PCMT1: variants seen among roughly 807,000 people sequenced by gnomAD.
PCMT1 encodes protein-L-isoaspartate (D-aspartate) O-methyltransferase.
Under a neutral mutation model 29.2 loss-of-function variants are expected in PCMT1, and 9 were observed. The observed-to-expected ratio is 0.31, with a 90% CI of 0.19 to 0.54. The LOEUF (loss-of-function observed/expected upper bound fraction) is 0.54. Ranked by LOEUF, PCMT1 falls within the 20% of genes least tolerant of loss-of-function variation. The pLI is 0.95. For synonymous variants in PCMT1, 98 were observed against 97.5 expected (o/e 1.00, Z -0.03); for missense variants, 184 against 282.2 (o/e 0.65, Z 2.49).
chr6:149,767,854 C>T lies in PCMT1; in HGVS notation c.56-3308C>T, dbSNP rs565981325. Among the ~76,000 whole-genome samples the T allele has an allele frequency of 3.5e-3, 526 of 152,150 alleles. 1 individual carries two copies. The highest frequency in any genetic ancestry group is 5.4e-3 in the Non-Finnish European group (368 of 68,004). On this transcript the variant is annotated intron_variant, in intron 1 of 7. Coordinates refer to ENST00000464889, the MANE Select transcript of PCMT1 (RefSeq NM_001360452.2). ...TGTCACCCAGGCTGGAGTGCAGTGG[C>T]GCGATCTTGGCTCACTGCAGCCTCC... is the stretch of plus-strand genomic sequence containing the variant.
chr6:149,790,516 C>CT (rs80356200), intron 4 of PCMT1, among the ~76,000 whole-genome samples: 65,569 of 137,050 alleles, frequency 0.48, 16,446 homozygotes, highest in East Asian at 0.79. Flanking sequence ...GTTTTCTTTT[C>CT]TTTTTTTTTT....
chr6:149,775,876 G>A (rs1043273432), intron 3 of PCMT1, among the ~76,000 whole-genome samples: 2 of 151,908 alleles, frequency 1.3e-5, no homozygotes, highest in African/African-American at 4.8e-5. Context: ...ATAGTTCATC[G>A]TGGCCAGGCG....
intron 3 of PCMT1, among the ~76,000 whole-genome samples, chr6:149,781,115 G>A (rs751400055): frequency 6.7e-6 from 1 of 149,876 alleles, no homozygotes; most frequent in Non-Finnish European, 1.5e-5. Context: ...GATGTTGAGC[G>A]TCTTTTCATG....
At chr6:149,791,819 A>C (rs1788383988) in intron 4 of PCMT1, among the ~76,000 whole-genome samples, 1 of 152,212 alleles carries the variant, frequency 6.6e-6, no homozygotes, top group Non-Finnish European at 1.5e-5. Context: ...TTATAGTTTT[A>C]GAGGATGTAT....
intron 4 of PCMT1, among the ~76,000 whole-genome samples, chr6:149,790,990 C>G (rs1788343318): frequency 6.6e-6 from 1 of 152,068 alleles, no homozygotes; most frequent in South Asian, 2.1e-4. Flanking sequence ...TGGGCAACAA[C>G]AACAACAACA....
At chr6:149,786,172 CAACCT>C (rs1788051215) in intron 3 of PCMT1, among the ~76,000 whole-genome samples, 1 of 114,710 alleles carries the variant, frequency 8.7e-6, no homozygotes, top group Admixed American at 8.8e-5. Context: ...GCTGACCCCC[CAACCT>C]CCCTCCCAGA....
At chr6:149,783,172 C>A (rs1268344637) in intron 3 of PCMT1, among the ~76,000 whole-genome samples, 1 of 152,020 alleles carries the variant, frequency 6.6e-6, no homozygotes, top group Admixed American at 6.6e-5. Context: ...CTTGCTGTGT[C>A]ACCCAGGCTG....
rs1265173998 is a variant in PCMT1, at chr6:149,771,194, G to C, written c.88G>C (p.Glu30Gln). ...AATCATCAAGACAGATAAAGTATTT[G>C]AAGTGATGCTGGCTACAGACCGCTC... The part of the protein sequence containing the change: ...NGIIKTDKVF[E>Q]VMLATDRSHY... The change falls in exon 2 of 8, where the codon GAA becomes CAA. Residue 30 changes from glutamate (E) to glutamine (Q), a missense_variant. Glu to Gln is a conservative substitution (Grantham distance 29). Coordinates refer to ENST00000464889, the MANE Select transcript of PCMT1 (RefSeq NM_001360452.2). 1 of 1,612,384 alleles carries C rather than the reference G, an allele frequency of 6.2e-7. No individual in the cohort carries two copies. Among genetic ancestry groups the C allele is most frequent in the South Asian group, 1.1e-5 (1 of 90,982 alleles).
intron 6 of PCMT1, chr6:149,797,749 C>T (rs912073369): frequency 4.6e-5 from 7 of 152,074 alleles, no homozygotes; most frequent in Non-Finnish European, 7.3e-5. Context: ...TAGTCTCATC[C>T]GTTTTTTTGG....
At chr6:149,769,308 C>CTTTTTCTTTTTTTTTTTT (rs1787214853) in intron 1 of PCMT1, among the ~76,000 whole-genome samples, 1 of 71,562 alleles carries the variant, frequency 1.4e-5, no homozygotes, top group African/African-American at 8.6e-5. Flanking sequence ...GTGCAGGATT[C>CTTTTTCTTTTTTTTTTTT]TTTTTTTTTT....
chr6:149,770,819 T>C lies in PCMT1; in HGVS notation c.56-343T>C, dbSNP rs963654228. Reference sequence around the variant, plus strand: ...GAGATCGAGACCATCCTGGCTAACATGGTGAAACCCTGTTTCTAAAATACA... The same window carrying C: ...GAGATCGAGACCATCCTGGCTAACACGGTGAAACCCTGTTTCTAAAATACA... On this transcript the variant is annotated intron_variant, in intron 1 of 7. Coordinates refer to ENST00000464889, the MANE Select transcript of PCMT1 (RefSeq NM_001360452.2). Among the ~76,000 whole-genome samples the C allele has an allele frequency of 6.8e-5, 10 of 146,768 alleles. No homozygotes were observed. In the South Asian group the frequency reaches 1.3e-3, roughly 19 times the overall value.
At chr6:149,781,404 T>C (rs1037655226) in intron 3 of PCMT1, among the ~76,000 whole-genome samples, 14 of 152,026 alleles carry the variant, frequency 9.2e-5, no homozygotes, top group African/African-American at 3.4e-4. Flanking sequence ...TTTTTGTATT[T>C]TTAGTAGAGA....
intron 1 of PCMT1, among the ~76,000 whole-genome samples, chr6:149,752,462 G>T (rs1383101035): frequency 6.6e-6 from 1 of 152,094 alleles, no homozygotes; most frequent in Non-Finnish European, 1.5e-5. Flanking sequence ...GCCTCCCAAA[G>T]TGCTTGAATT....
intron 1 of PCMT1, among the ~76,000 whole-genome samples, chr6:149,769,883 C>T (rs370059276): frequency 4.0e-5 from 6 of 151,130 alleles, no homozygotes; most frequent in South Asian, 2.1e-4. Context: ...AGGCATGGGC[C>T]GCTGCACCTG....
intron 3 of PCMT1, among the ~76,000 whole-genome samples, chr6:149,783,590 A>G (rs181945539): frequency 6.6e-6 from 1 of 152,292 alleles, no homozygotes; most frequent in African/African-American, 2.4e-5. Flanking sequence ...GCATAGCAAG[A>G]CTTGCGTGTG....
intron 3 of PCMT1, among the ~76,000 whole-genome samples, chr6:149,784,441 A>G (rs1432265536): frequency 6.6e-6 from 1 of 152,128 alleles, no homozygotes; most frequent in African/African-American, 2.4e-5. Flanking sequence ...AATAATGACC[A>G]ACAATTTACT....
At chr6:149,775,898 A>G (rs1162464756) in intron 3 of PCMT1, among the ~76,000 whole-genome samples, 2 of 151,952 alleles carry the variant, frequency 1.3e-5, no homozygotes, top group African/African-American at 4.8e-5. Flanking sequence ...GGTGGCTCAC[A>G]TCTGTAATCC....
At chr6:149,768,691 A>T (rs1787191336) in intron 1 of PCMT1, among the ~76,000 whole-genome samples, 1 of 151,490 alleles carries the variant, frequency 6.6e-6, no homozygotes, top group South Asian at 2.1e-4. Context: ...CAGTGGCATG[A>T]TCTCGGCTCA....
At chr6:149,768,190 T>C (rs990298007) in intron 1 of PCMT1, among the ~76,000 whole-genome samples, 5 of 151,860 alleles carry the variant, frequency 3.3e-5, no homozygotes, top group Non-Finnish European at 7.4e-5. Context: ...TTACTGAGCT[T>C]AAGTGATCCT....
Sources: allele counts gnomAD v4.1 joint callset (sites outside exome capture counted in the v4.1 genomes callset), GRCh38; gene constraint gnomAD v4.1.1; transcripts MANE v1.5; gene names NCBI Gene and HGNC (gene_info 2026-07-23, HGNC 2026-07-21).